ITIH1: variants seen among roughly 807,000 people sequenced by gnomAD.
ITIH1 encodes inter-alpha-trypsin inhibitor heavy chain 1.
Under a neutral mutation model 104.6 loss-of-function variants are expected in ITIH1, and 94 were observed. The observed-to-expected ratio is 0.90, with a 90% CI of 0.76 to 1.07. The LOEUF is 1.07. ITIH1 is among the 50% of genes least tolerant of loss of function. The probability of loss-of-function intolerance (pLI) is 0.00; values close to 1 mark genes in which losing one functional copy is unlikely to be tolerated. For missense variants in ITIH1, 1,193 were observed against 1,181.4 expected (o/e 1.01, Z -0.14); for synonymous variants, 455 against 464.4 (o/e 0.98, Z 0.26).
chr3:52,782,867 G>A, intron 8 of ITIH1, 90 bp from the exon 9 acceptor site: 1 of 1,284,320 alleles, frequency 7.8e-7, no homozygotes. Flanking sequence ...CCACCCTGTG[G>A]ATCTCTGAAA....
At position 52,786,339 on chromosome 3, in the gene ITIH1, G is replaced by A. The variant is rs1018398230; in HGVS notation, c.1638G>A (p.Glu546=). 3.8e-6 allele frequency: 6 copies of A among 1,574,446 alleles called. No individual in the cohort carries two copies. The highest frequency in any genetic ancestry group is 5.2e-6 in the Non-Finnish European group (6 of 1,158,960). ...TAACCTGCCTAGTGGATGAGGAGGA[G>A]ATGAAGAAACTGCTCCGAGAGCGTG... The part of the protein sequence containing the change: ...FSITCLVDEE[E]MKKLLRERGH... The change falls in exon 13 of 22, where the codon GAG becomes GAA. Residue 546 remains glutamate (E), a synonymous_variant. Coordinates refer to ENST00000273283, the MANE Select transcript of ITIH1 (RefSeq NM_002215.4).
intron 5 of ITIH1, chr3:52,780,002 G>T: frequency 7.2e-7 from 1 of 1,387,102 alleles, no homozygotes; most frequent in Non-Finnish European, 9.4e-7. Context: ...TTTTTGGAGT[G>T]CCTACTGAGT....
Position 52,777,979 on chromosome 3 carries a change from C to T in ITIH1, c.118-18C>T. 6.2e-7 allele frequency: 1 copy of T among 1,614,170 alleles called. No homozygotes were observed. The highest frequency in any genetic ancestry group is 8.5e-7 in the Non-Finnish European group (1 of 1,180,034). On this transcript the variant is annotated intron_variant, in intron 1 of 21. Transcript: ENST00000273283. ...CCTGAGTTTTCCTCTCACACTTGAC[C>T]CTGATTTTGTTTTGCAGAAGCGACA...
intron 10 of ITIH1, 62 bp from the exon 11 acceptor site, chr3:52,784,234 C>T (rs954934054): frequency 1.4e-6 from 2 of 1,445,266 alleles, no homozygotes; most frequent in African/African-American, 1.4e-5. Flanking sequence ...CCCCAGAGCC[C>T]CCTCGTGCCC....
At chr3:52,781,856 CGCAT>C in intron 6 of ITIH1, 80 bp from the exon 7 acceptor site, 2 of 1,543,402 alleles carry the variant, frequency 1.3e-6, no homozygotes, top group South Asian at 2.4e-5. Flanking sequence ...CACACACACA[CGCAT>C]GCCTTCTTAT....
Position 52,787,103 on chromosome 3 carries a change from T to A in ITIH1, c.1888+4T>A, listed in dbSNP as rs746685577. On this transcript the variant is annotated splice_donor_region_variant and intron_variant, in intron 14 of 21. Coordinates refer to ENST00000273283, the MANE Select transcript of ITIH1 (RefSeq NM_002215.4). Reference sequence around the variant, plus strand: ...ACCATCGACAAGCCCTCAGAGGGTATAGGCTGCAGGGGTCTACAGAAGGGA... The same window carrying A: ...ACCATCGACAAGCCCTCAGAGGGTAAAGGCTGCAGGGGTCTACAGAAGGGA... 1 of 1,614,228 alleles carries A rather than the reference T, an allele frequency of 6.2e-7. No homozygotes were observed. Among genetic ancestry groups the A allele is most frequent in the Non-Finnish European group, 8.5e-7 (1 of 1,180,034 alleles).
At chr3:52,781,685 A>G (rs1260082860) in intron 6 of ITIH1, among the ~76,000 whole-genome samples, 1 of 152,172 alleles carries the variant, frequency 6.6e-6, no homozygotes, top group Non-Finnish European at 1.5e-5. Context: ...TATTATTTAT[A>G]TACCCAAAGT....
chr3:52,788,409 A>G, intron 18 of ITIH1, 64 bp downstream of exon 18: 1 of 1,114,508 alleles, frequency 9.0e-7, no homozygotes, highest in Non-Finnish European at 1.3e-6. Flanking sequence ...ACATTCAGCC[A>G]GGAACAGGAC....
At chr3:52,790,601 G>A (rs933440502) in intron 19 of ITIH1, 148 bp from the exon 20 acceptor site, 24 of 756,790 alleles carry the variant, frequency 3.2e-5, no homozygotes, top group South Asian at 4.9e-5. Flanking sequence ...GGGGAGGGGC[G>A]TGGAACAGGT....
intron 20 of ITIH1, among the ~76,000 whole-genome samples, chr3:52,791,267 C>A (rs1480084807): frequency 6.6e-6 from 1 of 151,788 alleles, no homozygotes; most frequent in African/African-American, 2.4e-5. Context: ...GGGCACCTGC[C>A]CTCAAACCTC....
At chr3:52,787,335 C>A in intron 15 of ITIH1, 133 bp downstream of exon 15, 4 of 1,307,796 alleles carry the variant, frequency 3.1e-6, no homozygotes, top group Non-Finnish European at 4.4e-6. Context: ...CTTCCGTCCC[C>A]TGAGCCGCCC....
chr3:52,787,463 C>A, intron 15 of ITIH1, 129 bp from the exon 16 acceptor site: 2 of 1,159,594 alleles, frequency 1.7e-6, no homozygotes, highest in Non-Finnish European at 2.6e-6. Flanking sequence ...GGAGGCAGGA[C>A]CCCAGGGGAG....
In ITIH1 at chr3:52,791,579, AAGCCAGATGCCACGATGG is replaced by A. The variant is rs1699356963; in HGVS notation, c.2558_2575del (p.Lys853_Val859delinsMet). 6.2e-7 allele frequency: 1 copy of A among 1,613,978 alleles called. No individual in the cohort carries two copies. Among genetic ancestry groups the A allele is most frequent in the African/African-American group, 1.3e-5 (1 of 74,906 alleles). On this transcript the variant is annotated inframe_deletion, in exon 21 of 22. Transcript: ENST00000273283. ...CATCCACCCAGGCTCTGACCCCACA[AAGCCAGATGCCACGATGG>A]TGGTGAGGAACCGCCGGCTCACGGT... is the stretch of plus-strand genomic sequence containing the variant.
At chr3:52,790,954 A>C in intron 20 of ITIH1, 33 bp downstream of exon 20, 36 of 1,571,502 alleles carry the variant, frequency 2.3e-5, no homozygotes, top group Non-Finnish European at 3.1e-5. Flanking sequence ...GGCTGTGGGG[A>C]AGGGTGTTGA....
intron 16 of ITIH1, 118 bp downstream of exon 16, chr3:52,787,730 G>A (rs1699238265): frequency 7.9e-7 from 1 of 1,265,656 alleles, no homozygotes; most frequent in African/African-American, 1.5e-5. Context: ...CTTTAGAACA[G>A]ACCTCTGAAC....
intron 1 of ITIH1, 83 bp from the exon 2 acceptor site, chr3:52,777,914 G>A (rs2154108072): frequency 1.3e-6 from 2 of 1,543,854 alleles, no homozygotes; most frequent in Non-Finnish European, 1.8e-6. Context: ...GACACAGGCT[G>A]TGTTCCACTC....
Position 52,779,103 on chromosome 3 carries a change from G to A in ITIH1, c.410+57G>A. The A allele has an allele frequency of 1.6e-6, 2 of 1,233,042 alleles. No individual in the cohort carries two copies. The highest frequency in any genetic ancestry group is 1.7e-5 in the Admixed American group (1 of 58,962). The allele number at this position is 1,233,042 out of a possible 1,614,324, so 76.4% of individuals were successfully genotyped here. A position where few individuals can be genotyped will look rare whatever the true frequency, so the allele number is the denominator to read the frequency against. ...GGGCTGCCCTCCCCAGCCAGGACAG[G>A]TCTGATGGCTGCAAGGTGGCTTTAG... On this transcript the variant is annotated intron_variant, in intron 4 of 21. Transcript: ENST00000273283. This position sits in a 1 kb window ranked among gnomAD's most constrained non-coding sequence, Gnocchi z 4.4.
chr3:52,779,776 T>C lies in ITIH1; in HGVS notation c.573+182T>C. On this transcript the variant is annotated intron_variant, in intron 5 of 21. Transcript: ENST00000273283. The surrounding 1 kb of genome is among the most constrained non-coding windows in gnomAD (Gnocchi z 4.4). Reference sequence around the variant, plus strand: ...CAGGGAACTCCCTGAATTCTCTAACTTCCTCTTTATCTCTGAGCTTCGGTT... The same window carrying C: ...CAGGGAACTCCCTGAATTCTCTAACCTCCTCTTTATCTCTGAGCTTCGGTT... 9.6e-7 allele frequency: 1 copy of C among 1,039,798 alleles called. No individual in the cohort carries two copies. Among genetic ancestry groups the C allele is most frequent in the East Asian group, 2.6e-5 (1 of 38,106 alleles). 64.4% of individuals were successfully genotyped at this position (1,039,798 alleles called of 1,614,324 possible).
intron 6 of ITIH1, 91 bp downstream of exon 6, chr3:52,780,473 A>T: frequency 1.2e-6 from 1 of 845,046 alleles, no homozygotes; most frequent in Non-Finnish European, 1.9e-6. Flanking sequence ...TAGCCCAGAA[A>T]CCAGGCAGGG....
Sources: allele counts gnomAD v4.1 joint callset (sites outside exome capture counted in the v4.1 genomes callset), GRCh38; gene constraint gnomAD v4.1.1; non-coding constraint Gnocchi (gnomAD v3.1); transcripts MANE v1.5; gene names NCBI Gene and HGNC (gene_info 2026-07-23, HGNC 2026-07-21).